Variants in GADL1 observed in about 807,000 individuals in gnomAD.
GADL1 encodes GAD like acidic amino acid decarboxylase 1, also known as acidic amino acid decarboxylase GADL1.
GADL1 carries 71 observed loss-of-function variants against 69.5 expected under a neutral mutation model. The ratio of observed to expected loss-of-function variants is 1.02; its 90% CI spans 0.84 to 1.25. The LOEUF is 1.25. GADL1 is among the 50% of genes most tolerant of loss of function. The pLI, the probability that GADL1 is intolerant of heterozygous loss-of-function variation, is 0.00. For missense variants in GADL1, 737 were observed against 631.8 expected, an observed-to-expected ratio of 1.17 and a Z score of -1.79; for synonymous variants, 254 against 214.4, an observed-to-expected ratio of 1.18 and a Z score of -1.62.
intron 12 of GADL1, among the ~76,000 whole-genome samples, chr3:30,786,765 C>T (rs1239900024): frequency 6.6e-6 from 1 of 152,090 alleles, no homozygotes; most frequent in Non-Finnish European, 1.5e-5. Flanking sequence ...AAATAGCTGG[C>T]TTGGAGGAAA....
intron 13 of GADL1, 151 bp from the exon 14 acceptor site, chr3:30,778,419 C>T (rs1364015634): frequency 3.4e-6 from 2 of 595,708 alleles, no homozygotes; most frequent in Admixed American, 3.0e-5. Context: ...ATCCCTTCTG[C>T]CTTCTTGATA....
intron 12 of GADL1, among the ~76,000 whole-genome samples, chr3:30,792,580 G>A (rs976707709): frequency 1.3e-5 from 2 of 152,094 alleles, no homozygotes; most frequent in Admixed American, 1.3e-4. Flanking sequence ...TTCTCCAACA[G>A]AAAACTATAC....
At position 30,894,661 on chromosome 3, in the gene GADL1, T is replaced by C. The variant is rs751969343; in HGVS notation, c.-47A>G. On this transcript the variant is annotated 5_prime_UTR_variant, in exon 1 of 15. Coordinates refer to ENST00000282538, the MANE Select transcript of GADL1 (RefSeq NM_207359.3). ...TGCCCCGGGCGCGGCTCCCGCAGTC[T>C]GGGCGGCGACGGTGGTTGCCGAGGC... 2.3e-4 allele frequency: 349 copies of C among 1,537,456 alleles called. 3 individuals carry two copies. Among genetic ancestry groups the C allele is most frequent in the South Asian group, 8.6e-4 (72 of 83,428 alleles).
At chr3:30,731,794 A>G (rs1343948971) in intron 14 of GADL1, among the ~76,000 whole-genome samples, 1 of 152,226 alleles carries the variant, frequency 6.6e-6, no homozygotes, top group East Asian at 1.9e-4. Context: ...TCCTACAGGC[A>G]GTTACTACTA....
intron 8 of GADL1, 133 bp downstream of exon 8, chr3:30,844,077 C>T: frequency 1.5e-6 from 1 of 684,272 alleles, no homozygotes; most frequent in Non-Finnish European, 2.6e-6. Context: ...AACATTCTCT[C>T]TCCTCTCTCC....
At chr3:30,871,451 AGGTATCCCATATCTTT>A (rs1206820614) in intron 1 of GADL1, among the ~76,000 whole-genome samples, 2 of 151,796 alleles carry the variant, frequency 1.3e-5, no homozygotes, top group African/African-American at 2.4e-5. Context: ...AATTTGAGCC[AGGTATCCCATATCTTT>A]GTAAAGAGTT....
At chr3:30,770,827 C>CT (rs2125492001) in intron 14 of GADL1, among the ~76,000 whole-genome samples, 1 of 151,466 alleles carries the variant, frequency 6.6e-6, no homozygotes, top group East Asian at 1.9e-4. Flanking sequence ...AGAAGAGAGG[C>CT]TGTTAAGCTC....
At chr3:30,797,518 GTTA>G (rs1438488305) in intron 12 of GADL1, among the ~76,000 whole-genome samples, 8 of 152,126 alleles carry the variant, frequency 5.3e-5, no homozygotes, top group Non-Finnish European at 1.0e-4. Flanking sequence ...TGAGATACGT[GTTA>G]TTATCACTTT....
intron 14 of GADL1, among the ~76,000 whole-genome samples, chr3:30,754,557 T>G (rs967882398): frequency 1.3e-5 from 2 of 151,728 alleles, no homozygotes; most frequent in East Asian, 1.9e-4. Context: ...TGACAAAGAG[T>G]GTATTACCTC....
chr3:30,839,080 C>T lies in GADL1; in HGVS notation c.820G>A (p.Gly274Ser), dbSNP rs371470665. The T allele has an allele frequency of 6.2e-7, 1 of 1,603,600 alleles. No individual in the cohort carries two copies. Among genetic ancestry groups the T allele is most frequent in the Non-Finnish European group, 8.5e-7 (1 of 1,175,210 alleles). ...TCAAAAGCTCCCAACACAGTTGTACCAGAAGTGGCACAGACAAGAAACGGT... is the reference window on the plus strand; with the variant it reads ...TCAAAAGCTCCCAACACAGTTGTACTAGAAGTGGCACAGACAAGAAACGGT... ...AAPFLVCATS[G>S]TTVLGAFDPL... The change falls in exon 9 of 15, where the codon GGT becomes AGT. Residue 274 changes from glycine (G) to serine (S), a missense_variant. Gly to Ser is a moderately conservative substitution (Grantham distance 56). Transcript: ENST00000282538.
chr3:30,751,666 C>T (rs910527931), intron 14 of GADL1, among the ~76,000 whole-genome samples: 33 of 152,202 alleles, frequency 2.2e-4, no homozygotes, highest in African/African-American at 7.9e-4. Flanking sequence ...TCCCTATAAG[C>T]CCACCCCTTC....
At chr3:30,841,417 GATA>G (rs1559358079) in intron 8 of GADL1, among the ~76,000 whole-genome samples, 2 of 152,212 alleles carry the variant, frequency 1.3e-5, no homozygotes, top group East Asian at 3.9e-4. Context: ...CGACAAAAAT[GATA>G]ATGACTGTGG....
chr3:30,867,654 T>C (rs1284092320), intron 1 of GADL1, among the ~76,000 whole-genome samples: 1 of 151,746 alleles, frequency 6.6e-6, no homozygotes. Context: ...CTGAGGTAAA[T>C]TTTTACTGAG....
intron 1 of GADL1, among the ~76,000 whole-genome samples, chr3:30,866,862 C>T (rs972765226): frequency 6.6e-6 from 1 of 152,052 alleles, no homozygotes; most frequent in African/African-American, 2.4e-5. Flanking sequence ...ATTCCAGAAA[C>T]AGAGTTCAGC....
chr3:30,813,731 C>T (rs896341195), intron 11 of GADL1, among the ~76,000 whole-genome samples: 3 of 152,310 alleles, frequency 2.0e-5, no homozygotes, highest in South Asian at 2.1e-4. Context: ...GTTCCCTGGT[C>T]GTCTTTGTAT....
intron 12 of GADL1, chr3:30,797,660 TTTTG>T (rs1279810561): frequency 8.8e-6 from 1 of 112,996 alleles, no homozygotes; most frequent in East Asian, 4.3e-4. Flanking sequence ...TTTTGTTTTG[TTTTG>T]TTTTTGTTTT....
intron 11 of GADL1, among the ~76,000 whole-genome samples, chr3:30,833,382 C>T (rs989973555): frequency 1.2e-4 from 19 of 152,026 alleles, no homozygotes; most frequent in African/African-American, 3.9e-4. Context: ...AATTAGTGTT[C>T]GAAGATCAGC....
chr3:30,816,280 G>C (rs527537015), intron 11 of GADL1, among the ~76,000 whole-genome samples: 1 of 152,176 alleles, frequency 6.6e-6, no homozygotes, highest in South Asian at 2.1e-4. Context: ...TGTTTCATGA[G>C]AGAAACAGTA....
At chr3:30,874,011 C>T (rs769722985) in intron 1 of GADL1, among the ~76,000 whole-genome samples, 1 of 151,890 alleles carries the variant, frequency 6.6e-6, no homozygotes, top group Non-Finnish European at 1.5e-5. Context: ...CCAAGGGGTA[C>T]ATTTAAATTA....
Sources: gnomAD v4.1 joint callset for allele counts (sites outside exome capture counted in the v4.1 genomes callset) on GRCh38, gnomAD v4.1.1 for gene constraint, MANE v1.5 for transcripts, NCBI Gene and HGNC (gene_info 2026-07-23, HGNC 2026-07-21) for gene names.